QTMAN: variants seen among roughly 807,000 people sequenced by gnomAD.
QTMAN encodes the protein queuosine-tRNA mannosyltransferase.
chr2:144,136,388 GAAAAGGA>G, the QTMAN span, among the ~76,000 whole-genome samples: 10 of 91,194 alleles, frequency 1.1e-4, no homozygotes, highest in African/African-American at 4.4e-4. Flanking sequence ...AAAGGAAAAG[GAAAAGGA>G]AAAGGAAAGG....
At chr2:143,947,154 A>C in the QTMAN span, 1 of 1,568,304 alleles carries the variant, frequency 6.4e-7, no homozygotes, top group Middle Eastern at 1.7e-4. Context: ...AGGAGGAGGG[A>C]GAGAAGAGAA....
At chr2:144,300,610 AAC>A in the QTMAN span, among the ~76,000 whole-genome samples, 6 of 152,322 alleles carry the variant, frequency 3.9e-5, no homozygotes, top group Admixed American at 1.3e-4. Context: ...CTAAACTAAA[AAC>A]AGTGTCAAAA....
At chr2:144,221,349 C>G in the QTMAN span, among the ~76,000 whole-genome samples, 1 of 151,952 alleles carries the variant, frequency 6.6e-6, no homozygotes, top group Non-Finnish European at 1.5e-5. Flanking sequence ...AAATATCCTA[C>G]AAAAAGGGAT....
the QTMAN span, among the ~76,000 whole-genome samples, chr2:144,062,522 G>A: frequency 6.6e-6 from 1 of 152,146 alleles, no homozygotes; most frequent in Non-Finnish European, 1.5e-5. Flanking sequence ...CCTGACATGG[G>A]TGAGTTCTTA....
the QTMAN span, among the ~76,000 whole-genome samples, chr2:144,127,377 A>G: frequency 1.1e-4 from 16 of 152,036 alleles, no homozygotes; most frequent in Non-Finnish European, 2.4e-4. Context: ...CTATAAAAGG[A>G]CTAGACTTAC....
the QTMAN span, among the ~76,000 whole-genome samples, chr2:144,204,551 T>C: frequency 3.1e-4 from 47 of 152,328 alleles, no homozygotes; most frequent in African/African-American, 1.1e-3. Flanking sequence ...GTTGGGACTG[T>C]AAGCTAGTTC....
the QTMAN span, among the ~76,000 whole-genome samples, chr2:144,199,247 C>T: frequency 6.6e-6 from 1 of 152,126 alleles, no homozygotes; most frequent in African/African-American, 2.4e-5. Flanking sequence ...CAGGGTTTCA[C>T]CATGTTGGCC....
chr2:144,012,691 A>G, the QTMAN span, among the ~76,000 whole-genome samples: 2 of 152,174 alleles, frequency 1.3e-5, no homozygotes, highest in Non-Finnish European at 2.9e-5. Context: ...AGAATCTCAT[A>G]AATAAATGCC....
At chr2:144,094,846 C>G in the QTMAN span, among the ~76,000 whole-genome samples, 1 of 152,146 alleles carries the variant, frequency 6.6e-6, no homozygotes, top group African/African-American at 2.4e-5. Context: ...GTCAAAGTTG[C>G]CCCTTGGCAA....
the QTMAN span, among the ~76,000 whole-genome samples, chr2:144,165,959 C>CA: frequency 6.6e-6 from 1 of 151,988 alleles, no homozygotes; most frequent in Admixed American, 6.6e-5. Context: ...TCTACCTTCC[C>CA]AACAAGTTTA....
At chr2:144,308,162 GTTTTT>G in the QTMAN span, among the ~76,000 whole-genome samples, 1 of 110,836 alleles carries the variant, frequency 9.0e-6, no homozygotes, top group Admixed American at 9.2e-5. Flanking sequence ...ATGATTGGTT[GTTTTT>G]TTTTTTTTTT....
At chr2:144,054,156 C>G in the QTMAN span, among the ~76,000 whole-genome samples, 4 of 152,158 alleles carry the variant, frequency 2.6e-5, no homozygotes, top group South Asian at 8.3e-4. Flanking sequence ...CCACTGCACT[C>G]TAGCCTGGGC....
chr2:144,026,024 G>A, the QTMAN span, among the ~76,000 whole-genome samples: 2 of 152,110 alleles, frequency 1.3e-5, no homozygotes, highest in African/African-American at 4.8e-5. Context: ...TGGCTTTCTG[G>A]CTTGTGGCTA....
At chr2:143,948,537 A>G in the QTMAN span, among the ~76,000 whole-genome samples, 1 of 152,090 alleles carries the variant, frequency 6.6e-6, no homozygotes, top group African/African-American at 2.4e-5. Context: ...GATAATGTCT[A>G]CCTTACACAA....
At chr2:143,988,735 A>G in the QTMAN span, among the ~76,000 whole-genome samples, 3 of 152,220 alleles carry the variant, frequency 2.0e-5, no homozygotes, top group Non-Finnish European at 4.4e-5. Context: ...AGCTGCACAG[A>G]ATGTGCTCAA....
At chr2:144,324,559 T>C in the QTMAN span, among the ~76,000 whole-genome samples, 1 of 152,138 alleles carries the variant, frequency 6.6e-6, no homozygotes, top group Non-Finnish European at 1.5e-5. Flanking sequence ...GGACTGACTG[T>C]GAAACCCAAA....
the QTMAN span, chr2:143,952,953 G>T: frequency 2.9e-6 from 2 of 679,606 alleles, no homozygotes; most frequent in Non-Finnish European, 5.3e-6. Flanking sequence ...GAGTTAACTG[G>T]GACAAAAAAC....
the QTMAN span, among the ~76,000 whole-genome samples, chr2:144,068,068 TTC>T: frequency 6.6e-6 from 1 of 152,228 alleles, no homozygotes; most frequent in Non-Finnish European, 1.5e-5. Context: ...CTTAAGATGA[TTC>T]TCTTTTTAAA....
At chr2:143,966,413 A>T in the QTMAN span, among the ~76,000 whole-genome samples, 1 of 152,266 alleles carries the variant, frequency 6.6e-6, no homozygotes, top group Non-Finnish European at 1.5e-5. Context: ...GAGTGGGACT[A>T]TAAGTTTCAA....
Sources: gnomAD v4.1 joint callset for allele counts (sites outside exome capture counted in the v4.1 genomes callset) on GRCh38, gnomAD v4.1.1 for gene constraint, MANE v1.5 for transcripts, NCBI Gene and HGNC (gene_info 2026-07-23, HGNC 2026-07-21) for gene names.